The following CLIP2 variants were observed in gnomAD, a reference collection of about 807,000 sequenced individuals.
CLIP2 encodes CAP-Gly domain-containing linker protein 2.
In CLIP2, 41 loss-of-function variants were observed where a neutral mutation model predicts 111.7. The ratio of observed to expected loss-of-function variants is 0.37; its 90% CI spans 0.29 to 0.48. The LOEUF (loss-of-function observed/expected upper bound fraction) is 0.48. CLIP2 is among the 20% of genes least tolerant of loss of function. The pLI is 0.99. For synonymous variants in CLIP2, 660 were observed against 644.2 expected (o/e 1.02, Z -0.37); for missense variants, 1,160 against 1,422.1 (o/e 0.82, Z 2.96).
intron 6 of CLIP2, 77 bp from the exon 7 acceptor site, chr7:74,360,098 T>A: frequency 8.1e-7 from 1 of 1,230,746 alleles, no homozygotes; most frequent in Non-Finnish European, 1.1e-6. Flanking sequence ...TCCTTGCCTG[T>A]CTCCCACCAC....
At chr7:74,394,673 T>A (rs1791398349) in intron 13 of CLIP2, among the ~76,000 whole-genome samples, 1 of 152,230 alleles carries the variant, frequency 6.6e-6, no homozygotes. Flanking sequence ...CTACATTTGC[T>A]ACAAATCTAA....
At chr7:74,328,316 G>A (rs2116529794) in intron 2 of CLIP2, among the ~76,000 whole-genome samples, 1 of 152,322 alleles carries the variant, frequency 6.6e-6, no homozygotes, top group East Asian at 1.9e-4. Flanking sequence ...CTTCGGGAGA[G>A]AAAAGGAGGC....
At chr7:74,353,764 C>T (rs1790073889) in intron 3 of CLIP2, 116 bp from the exon 4 acceptor site, 7 of 1,424,800 alleles carry the variant, frequency 4.9e-6, no homozygotes, top group Non-Finnish European at 6.9e-6. Flanking sequence ...ACTCCTGGCT[C>T]CCGTGTCCTC....
intron 1 of CLIP2, among the ~76,000 whole-genome samples, chr7:74,300,830 C>T (rs1296086586): frequency 1.3e-5 from 2 of 152,176 alleles, no homozygotes; most frequent in Non-Finnish European, 2.9e-5. Context: ...CCAGTCCTCC[C>T]TTGACGGACA....
At chr7:74,328,523 G>T (rs1157994041) in intron 2 of CLIP2, among the ~76,000 whole-genome samples, 1 of 152,100 alleles carries the variant, frequency 6.6e-6, no homozygotes, top group Non-Finnish European at 1.5e-5. Flanking sequence ...AGTTAGCCTG[G>T]GAGTCAGGTT....
At chr7:74,364,213 C>T (rs782506065) in intron 7 of CLIP2, 42 bp from the exon 8 acceptor site, 3 of 1,591,128 alleles carry the variant, frequency 1.9e-6, no homozygotes, top group South Asian at 1.1e-5. Flanking sequence ...TCCCGTTGCT[C>T]TGGGCAAAGC....
chr7:74,305,858 C>A (rs1489068736), intron 1 of CLIP2, among the ~76,000 whole-genome samples: 2 of 108,420 alleles, frequency 1.8e-5, no homozygotes, highest in African/African-American at 4.8e-5. Flanking sequence ...CACCCCAACC[C>A]CCCCCCACCG....
At chr7:74,299,431 C>G (rs1788262124) in intron 1 of CLIP2, among the ~76,000 whole-genome samples, 1 of 152,216 alleles carries the variant, frequency 6.6e-6, no homozygotes, top group South Asian at 2.1e-4. Context: ...TCTGTTCCTC[C>G]TCCACTCTCC....
chr7:74,374,768 A>G (rs1554312471), intron 9 of CLIP2, among the ~76,000 whole-genome samples: 1 of 152,198 alleles, frequency 6.6e-6, no homozygotes, highest in Admixed American at 6.5e-5. Flanking sequence ...ATTGAACTAA[A>G]GGATACCTTC....
intron 3 of CLIP2, among the ~76,000 whole-genome samples, chr7:74,349,482 A>G (rs1371931838): frequency 2.6e-5 from 3 of 114,060 alleles, no homozygotes; most frequent in African/African-American, 3.7e-5. Flanking sequence ...ATATATATAT[A>G]TATATATATA....
chr7:74,295,281 T>C (rs1564022293), intron 1 of CLIP2, among the ~76,000 whole-genome samples: 1 of 151,976 alleles, frequency 6.6e-6, no homozygotes, highest in Non-Finnish European at 1.5e-5. Flanking sequence ...TTTTGAAGCA[T>C]AGGTGGGCTT....
intron 13 of CLIP2, 102 bp from the exon 14 acceptor site, chr7:74,396,972 C>T: frequency 1.4e-6 from 2 of 1,433,458 alleles, no homozygotes; most frequent in Non-Finnish European, 9.5e-7. Flanking sequence ...CCCATGTCCC[C>T]CACCAGTTGG....
intron 1 of CLIP2, among the ~76,000 whole-genome samples, chr7:74,294,991 G>A (rs1181688039): frequency 6.6e-6 from 1 of 151,992 alleles, no homozygotes; most frequent in Non-Finnish European, 1.5e-5. Flanking sequence ...GACAGGGCCT[G>A]GCTCTGTCAC....
rs373439151 is a variant in CLIP2, at chr7:74,389,128, C to T, written c.2589C>T (p.Gly863=). The change falls in exon 13 of 17, where the codon GGC becomes GGT. Residue 863 remains glycine (G), a synonymous_variant. Coordinates refer to ENST00000223398, the MANE Select transcript of CLIP2 (RefSeq NM_003388.5). ...CGCTGGAGAGCAAGTGTAAGTCAGG[C>T]GAGAAGAAGGTGGACGCCCTCCTGA... ...VSALESKCKS[G]EKKVDALLKE... is the part of the protein sequence containing the mutation. 233 of 1,612,430 alleles carry T rather than the reference C, an allele frequency of 1.4e-4. No homozygotes were observed. Among genetic ancestry groups the T allele is most frequent in the East Asian group, 2.7e-4 (12 of 44,822 alleles).
chr7:74,299,576 C>T (rs913218679), intron 1 of CLIP2, among the ~76,000 whole-genome samples: 6 of 152,186 alleles, frequency 3.9e-5, no homozygotes, highest in South Asian at 2.1e-4. Flanking sequence ...TGGCTGGGGC[C>T]GCTTATGCCA....
At chr7:74,342,095 G>A (rs1789671556) in intron 3 of CLIP2, among the ~76,000 whole-genome samples, 1 of 152,180 alleles carries the variant, frequency 6.6e-6, no homozygotes, top group African/African-American at 2.4e-5. Context: ...GTGAGAAGAG[G>A]CCTGGCATGG....
At chr7:74,324,141 C>T (rs1483844865) in intron 2 of CLIP2, among the ~76,000 whole-genome samples, 1 of 152,050 alleles carries the variant, frequency 6.6e-6, no homozygotes, top group East Asian at 1.9e-4. Context: ...TACAGGTGGC[C>T]GTCACCATGC....
At chr7:74,351,426 CAAAAAAAAA>C (rs55952428) in intron 3 of CLIP2, among the ~76,000 whole-genome samples, 1 of 65,936 alleles carries the variant, frequency 1.5e-5, no homozygotes, top group African/African-American at 4.7e-5. Context: ...ATTCCAGTGT[CAAAAAAAAA>C]AAAAAAAAAA....
chr7:74,302,884 G>T (rs1164513912), intron 1 of CLIP2, among the ~76,000 whole-genome samples: 1 of 152,226 alleles, frequency 6.6e-6, no homozygotes, highest in African/African-American at 2.4e-5. Context: ...GCCAATGGGT[G>T]CTCTCAGGGC....
Sources: gnomAD v4.1 joint callset for allele counts (sites outside exome capture counted in the v4.1 genomes callset) on GRCh38, gnomAD v4.1.1 for gene constraint, MANE v1.5 for transcripts, NCBI Gene and HGNC (gene_info 2026-07-23, HGNC 2026-07-21) for gene names.